The following NUAK2 variants were observed in gnomAD, a reference collection of about 807,000 sequenced individuals.
The protein encoded by NUAK2 is NUAK family kinase 2, also known as NUAK family SNF1-like kinase 2.
NUAK2 carries 20 observed loss-of-function variants against 29.8 expected under a neutral mutation model. That is an observed-to-expected ratio of 0.67 (90% CI 0.47 to 0.98). The LOEUF is 0.98. NUAK2 is among the 50% of genes least tolerant of loss of function. The pLI, the probability that NUAK2 is intolerant of heterozygous loss-of-function variation, is 0.00. For missense variants in NUAK2, 719 were observed against 834.5 expected, an observed-to-expected ratio of 0.86 and a Z score of 1.71; for synonymous variants, 331 against 342.6, an observed-to-expected ratio of 0.97 and a Z score of 0.37.
intron 2 of NUAK2, among the ~76,000 whole-genome samples, chr1:205,310,760 C>G (rs989463557): frequency 1.3e-5 from 2 of 152,154 alleles, no homozygotes; most frequent in African/African-American, 4.8e-5. Context: ...CCCACTCTTC[C>G]CTGAGGGAAG....
chr1:205,320,326 A>C (rs953700560), intron 1 of NUAK2, among the ~76,000 whole-genome samples: 1 of 152,018 alleles, frequency 6.6e-6, no homozygotes, highest in East Asian at 1.9e-4. Flanking sequence ...GTGCAGTGGC[A>C]CGATCTCGGC....
chr1:205,321,129 A>T (rs1344207832), intron 1 of NUAK2, among the ~76,000 whole-genome samples: 3 of 152,192 alleles, frequency 2.0e-5, no homozygotes, highest in Non-Finnish European at 2.9e-5. Flanking sequence ...TTTCCGCGCC[A>T]ACTATCCATA....
chr1:205,321,552 C>T lies in NUAK2; in HGVS notation c.77G>A (p.Gly26Glu), dbSNP rs553959662. ...AAELARPLAE[G>E]LIKSPKPLMK... ...TAGGGGCTTGGGCGACTTGATCAGC[C>T]CTTCCGCCAGCGGCCGGGCTAGCTC... is the stretch of plus-strand genomic sequence containing the variant. Residue 26 changes from glycine to glutamate, a missense_variant, in exon 1 of 7, where the codon GGG (glycine) becomes GAG (glutamate). By Grantham distance (98) the Gly-to-Glu change is moderately conservative. Around this residue, in one of 3 missense-constraint regions of NUAK2, gnomAD observed 283 missense variants for 345.6 expected, o/e 0.82. Coordinates refer to ENST00000367157, the MANE Select transcript of NUAK2 (RefSeq NM_030952.3). 1.2e-6 allele frequency: 2 copies of T among 1,613,802 alleles called. 1 individual carries two copies. The highest frequency in any genetic ancestry group is 2.2e-5 in the South Asian group (2 of 91,088).
At chr1:205,312,007 C>A (rs897227695) in intron 1 of NUAK2, among the ~76,000 whole-genome samples, 182 bp from the exon 2 acceptor site, 1 of 152,196 alleles carries the variant, frequency 6.6e-6, no homozygotes, top group African/African-American at 2.4e-5. Flanking sequence ...AGAAAAAGAT[C>A]TCACCTGAGC....
chr1:205,310,819 A>G (rs1662246955), intron 2 of NUAK2, among the ~76,000 whole-genome samples: 1 of 152,154 alleles, frequency 6.6e-6, no homozygotes, highest in Non-Finnish European at 1.5e-5. Context: ...CTGGCTCTTC[A>G]TGGGACAGGC....
intron 1 of NUAK2, among the ~76,000 whole-genome samples, chr1:205,316,584 G>C (rs891715317): frequency 6.6e-6 from 1 of 152,176 alleles, no homozygotes; most frequent in South Asian, 2.1e-4. Flanking sequence ...GGGCATTCCA[G>C]ACAGAAAGAA....
At chr1:205,317,780 CCTT>C (rs1574896007) in intron 1 of NUAK2, among the ~76,000 whole-genome samples, 6 of 152,318 alleles carry the variant, frequency 3.9e-5, no homozygotes, top group African/African-American at 2.4e-5. Flanking sequence ...AGGCAGGAGT[CCTT>C]CTCTGGAGCT....
chr1:205,305,270 T>A lies in NUAK2; in HGVS notation c.752A>T (p.Asp251Val), dbSNP rs1345776458. 1.2e-6 allele frequency: 2 copies of A among 1,614,064 alleles called. No homozygotes were observed. Among genetic ancestry groups the A allele is most frequent in the East Asian group, 4.5e-5 (2 of 44,896 alleles). ...YILVHGTMPF[D>V]GHDHKILVKQ... ...CACTAGGATCTTATGGTCATGCCCA[T>A]CAAAGGGCATGGTGCCATGCACCAG... The change falls in exon 6 of 7, where the codon GAT becomes GTT. Residue 251 changes from aspartate to valine, a missense_variant. This residue lies in a region of NUAK2 where 283 missense variants were observed against 345.6 expected (regional missense o/e 0.82). Transcript: ENST00000367157.
chr1:205,309,357 C>T (rs572580892), intron 2 of NUAK2, among the ~76,000 whole-genome samples: 1 of 152,278 alleles, frequency 6.6e-6, no homozygotes, highest in East Asian at 1.9e-4. Flanking sequence ...GACAGAGTCT[C>T]GCTCTGTCAC....
chr1:205,313,980 G>A (rs1662290256), intron 1 of NUAK2, among the ~76,000 whole-genome samples: 2 of 152,208 alleles, frequency 1.3e-5, no homozygotes, highest in African/African-American at 4.8e-5. Flanking sequence ...AAGATTCAAA[G>A]GGAGAGAGAA....
Position 205,308,081 on chromosome 1 carries a change from A to C in NUAK2, c.570+84T>G. 10 of 895,886 alleles carry C rather than the reference A, an allele frequency of 1.1e-5. No individual in the cohort carries two copies. Among genetic ancestry groups the C allele is most frequent in the Non-Finnish European group, 1.8e-5 (10 of 551,808 alleles). The allele number at this position is 895,886 out of a possible 1,614,324, so 55.5% of individuals were successfully genotyped here. A position where few individuals can be genotyped will look rare whatever the true frequency, so the allele number is the denominator to read the frequency against. Reference sequence around the variant, plus strand: ...GCTCAGCTCCTTCAGGAATCCACCAAGAGCTTAGAGCTACTTGGCTGGGGA... The same window carrying C: ...GCTCAGCTCCTTCAGGAATCCACCACGAGCTTAGAGCTACTTGGCTGGGGA... On this transcript the variant is annotated intron_variant, in intron 4 of 6. Coordinates refer to ENST00000367157, the MANE Select transcript of NUAK2 (RefSeq NM_030952.3). The surrounding 1 kb of genome is among the most constrained non-coding windows in gnomAD (Gnocchi z 4.1).
rs191434647 is a variant in NUAK2 at position 205,303,040 on chromosome 1, C to T, written c.*410G>A. The T allele has an allele frequency of 6.4e-6, 1 of 156,558 alleles. No homozygotes were observed. The highest frequency in any genetic ancestry group is 2.4e-5 in the African/African-American group (1 of 41,592). The allele number at this position is 156,558 out of a possible 1,614,324, so 9.7% of individuals were successfully genotyped here. On this transcript the variant is annotated 3_prime_UTR_variant, in exon 7 of 7. Transcript: ENST00000367157. ...GGAATGTGTGTGTAAAGAGGTCTGG[C>T]CCCACTTGGGCAGGGAATGAGTAGG...
intron 5 of NUAK2, among the ~76,000 whole-genome samples, chr1:205,305,938 T>C (rs1662173626): frequency 6.6e-6 from 1 of 152,178 alleles, no homozygotes; most frequent in South Asian, 2.1e-4. Context: ...AGTCTCGAAC[T>C]CCTGACCTCA....
chr1:205,311,795 T>C lies in NUAK2; in HGVS notation c.262A>G (p.Ile88Val). ...TGCATCAGATCTTGCTCATCTTTGA[T>C]TTTGTCCTTCCGGATTGACTTGATG... The part of the protein sequence containing the change: ...VAIKSIRKDK[I>V]KDEQDLMHIR... Residue 88 changes from isoleucine (I) to valine (V), a missense_variant, in exon 2 of 7, where the codon ATC (isoleucine) becomes GTC (valine). By Grantham distance (29) the Ile-to-Val change is conservative. Transcript: ENST00000367157. The C allele has an allele frequency of 6.2e-7, 1 of 1,614,112 alleles. No homozygotes were observed. Among genetic ancestry groups the C allele is most frequent in the Non-Finnish European group, 8.5e-7 (1 of 1,180,006 alleles).
At chr1:205,307,997 T>G in intron 4 of NUAK2, 168 bp downstream of exon 4, 3 of 547,544 alleles carry the variant, frequency 5.5e-6, no homozygotes, top group Non-Finnish European at 9.7e-6. Flanking sequence ...ATCCACACAA[T>G]GAGGTGTTGG....
At position 205,306,247 on chromosome 1, in the gene NUAK2, C is replaced by T; in HGVS notation, c.631G>A (p.Gly211Arg). Reference protein sequence around the residue: ...HQGKFLQTFCGSPLYASPEIV... With the variant: ...HQGKFLQTFCRSPLYASPEIV... ...TCTGGCGAGGCATAGAGGGGGCTCC[C>T]ACAGAATGTCTGCAGGAACTTGCCT... Residue 211 changes from glycine to arginine, a missense_variant, in exon 5 of 7, where the codon GGG becomes AGG. Around this residue, in one of 3 missense-constraint regions of NUAK2, gnomAD observed 283 missense variants for 345.6 expected, o/e 0.82. Coordinates refer to ENST00000367157, the MANE Select transcript of NUAK2 (RefSeq NM_030952.3). The T allele has an allele frequency of 6.2e-7, 1 of 1,613,960 alleles. No individual in the cohort carries two copies.
chr1:205,320,054 T>C (rs1326008356), intron 1 of NUAK2, among the ~76,000 whole-genome samples: 1 of 152,178 alleles, frequency 6.6e-6, no homozygotes, highest in Admixed American at 6.5e-5. Flanking sequence ...GGCCCTATCC[T>C]AGACCTTCAG....
intron 1 of NUAK2, among the ~76,000 whole-genome samples, 159 bp downstream of exon 1, chr1:205,321,239 T>C (rs1212134711): frequency 1.3e-5 from 2 of 152,140 alleles, no homozygotes; most frequent in Non-Finnish European, 2.9e-5. Flanking sequence ...CTGACACATC[T>C]GCCAGGGACA....
Position 205,308,557 on chromosome 1 carries a change from T to A in NUAK2, c.504+24A>T, listed in dbSNP as rs775016589. On this transcript the variant is annotated intron_variant, in intron 3 of 6. Coordinates refer to ENST00000367157, the MANE Select transcript of NUAK2 (RefSeq NM_030952.3). The surrounding 1 kb of genome is among the most constrained non-coding windows in gnomAD (Gnocchi z 4.1). ...CCCTGGGGACCACCCACTGAGAATA[T>A]GGCTGGAGCAGGTAGGTGCTCACCT... is the stretch of plus-strand genomic sequence containing the variant. The A allele has an allele frequency of 2.5e-6, 4 of 1,605,292 alleles. No homozygotes were observed. The highest frequency in any genetic ancestry group is 3.4e-6 in the Non-Finnish European group (4 of 1,172,772).
Sources: allele counts gnomAD v4.1 joint callset (sites outside exome capture counted in the v4.1 genomes callset), GRCh38; gene constraint gnomAD v4.1.1; regional missense constraint gnomAD v4.1.1; non-coding constraint Gnocchi (gnomAD v3.1); transcripts MANE v1.5; gene names NCBI Gene and HGNC (gene_info 2026-07-23, HGNC 2026-07-21).